The following ALLC variants were observed in gnomAD, a reference collection of about 807,000 sequenced individuals.
ALLC encodes allantoicase.
ALLC carries 40 observed loss-of-function variants against 45.0 expected under a neutral mutation model. That is an observed-to-expected ratio of 0.89 (90% CI 0.69 to 1.16). The LOEUF is 1.16. Among genes scored for constraint, ALLC ranks in the 50% most tolerant of loss-of-function variants. ALLC has a pLI of 0.00. For missense variants in ALLC, 488 were observed against 493.1 expected, an observed-to-expected ratio of 0.99 and a Z score of 0.10; for synonymous variants, 176 against 178.1, an observed-to-expected ratio of 0.99 and a Z score of 0.09.
chr2:3,671,801 C>G (rs1218968742), intron 2 of ALLC, among the ~76,000 whole-genome samples: 20 of 141,544 alleles, frequency 1.4e-4, no homozygotes, highest in Admixed American at 2.1e-4. Context: ...TCCTCTGGCT[C>G]TGGTTAGATG....
At chr2:3,650,561 T>C in the ALLC span, among the ~76,000 whole-genome samples, 17 of 136,744 alleles carry the variant, frequency 1.2e-4, no homozygotes, top group Admixed American at 7.3e-4. Context: ...CCGGTGAACA[T>C]GTGGGCCCTG....
At chr2:3,656,073 C>T (rs772330316), upstream of ALLC, among the ~76,000 whole-genome samples, 1 of 152,346 alleles carries the variant, frequency 6.6e-6, no homozygotes, top group African/African-American at 2.4e-5. Flanking sequence ...AACATCAGGT[C>T]CCCACCTAGT....
At chr2:3,679,316 A>T (rs1667109905) in intron 4 of ALLC, among the ~76,000 whole-genome samples, 1 of 152,208 alleles carries the variant, frequency 6.6e-6, no homozygotes, top group Admixed American at 6.5e-5. Context: ...AAGACTCTGA[A>T]GGCTTTGGTA....
In ALLC at chr2:3,699,861, A is replaced by G. The variant is rs558497371; in HGVS notation, c.851-1651A>G. Among the ~76,000 whole-genome samples, 4 of 152,134 alleles carry G rather than the reference A, an allele frequency of 2.6e-5. No homozygotes were observed. The South Asian group carries it at 8.3e-4, about 32-fold the overall frequency. ...TTAATGGGGTTGTTTTTTGCTTGTA[A>G]ATTTGTTTAAATTCCTTATAGATTC... On this transcript the variant is annotated intron_variant, in intron 10 of 11. Transcript: ENST00000252505.
At chr2:3,672,829 G>A (rs994342852) in intron 2 of ALLC, among the ~76,000 whole-genome samples, 3 of 152,366 alleles carry the variant, frequency 2.0e-5, no homozygotes, top group Middle Eastern at 3.4e-3. Context: ...TGTGTAATGA[G>A]GGTCACCTGG....
the ALLC span, among the ~76,000 whole-genome samples, chr2:3,651,426 T>A: frequency 1.5e-4 from 9 of 58,226 alleles, no homozygotes; most frequent in South Asian, 8.3e-4. Flanking sequence ...TGTGTGTGTG[T>A]GTGTGTGTGT....
chr2:3,682,732 A>G (rs941662727), intron 6 of ALLC, among the ~76,000 whole-genome samples: 3 of 152,102 alleles, frequency 2.0e-5, no homozygotes, highest in Non-Finnish European at 2.9e-5. Context: ...TCACCGTGTT[A>G]GCCAGGATGG....
intron 1 of ALLC, among the ~76,000 whole-genome samples, chr2:3,664,496 G>A (rs1171457218): frequency 1.3e-5 from 2 of 152,262 alleles, no homozygotes; most frequent in East Asian, 1.9e-4. Flanking sequence ...GCAGGCATGG[G>A]GGTCAGTGAG....
At chr2:3,701,262 C>T (rs1572537259) in intron 10 of ALLC, among the ~76,000 whole-genome samples, 1 of 152,152 alleles carries the variant, frequency 6.6e-6, no homozygotes, top group East Asian at 1.9e-4. Context: ...TTGAAATGCG[C>T]CAGCCCCTTC....
At chr2:3,660,038 C>T (rs1256136474) in intron 1 of ALLC, among the ~76,000 whole-genome samples, 2 of 152,150 alleles carry the variant, frequency 1.3e-5, no homozygotes, top group East Asian at 1.9e-4. Flanking sequence ...GATGTTTGTC[C>T]CCCCAAACCT....
At chr2:3,647,389 A>G in the ALLC span, among the ~76,000 whole-genome samples, 4 of 151,902 alleles carry the variant, frequency 2.6e-5, no homozygotes, top group African/African-American at 9.7e-5. Flanking sequence ...CACCTTCTTC[A>G]TCAGCAACCT....
At chr2:3,696,077 AGT>A (rs1190104508) in intron 8 of ALLC, among the ~76,000 whole-genome samples, 196 bp from the exon 9 acceptor site, 2 of 152,342 alleles carry the variant, frequency 1.3e-5, no homozygotes, top group East Asian at 3.8e-4. Context: ...TTTTGGCCTA[AGT>A]AGCTGCTTTA....
chr2:3,670,194 A>G (rs1411968754), intron 1 of ALLC, among the ~76,000 whole-genome samples: 1 of 152,238 alleles, frequency 6.6e-6, no homozygotes, highest in Admixed American at 6.5e-5. Flanking sequence ...TGTCCGTTTC[A>G]TAGACAAAAT....
chr2:3,653,216 A>C (rs1371528052), upstream of ALLC, among the ~76,000 whole-genome samples: 1 of 152,230 alleles, frequency 6.6e-6, no homozygotes, highest in Non-Finnish European at 1.5e-5. This position sits in a 1 kb window ranked among gnomAD's most constrained non-coding sequence, Gnocchi z 4.1. Context: ...CTGTGCCCCA[A>C]GTTGGTCATG....
rs942792386 is a variant in ALLC, at chr2:3,671,089, CT to C, written c.-62-5del. 2 of 1,570,370 alleles carry C rather than the reference CT, an allele frequency of 1.3e-6. No individual in the cohort carries two copies. The highest frequency in any genetic ancestry group is 3.7e-5 in the Admixed American group (2 of 54,354). ...CAAGGTTGACCGAGCTGCCCTCTCC[CT>C]TCCAGGAAGCACGGCTGATGCTCCG... On this transcript the variant is annotated splice_region_variant and splice_polypyrimidine_tract_variant and intron_variant, in intron 1 of 11. Transcript: ENST00000252505.
At chr2:3,649,845 GAACA>G in the ALLC span, among the ~76,000 whole-genome samples, 5 of 152,238 alleles carry the variant, frequency 3.3e-5, no homozygotes, top group South Asian at 2.1e-4. Flanking sequence ...GACATGGGGA[GAACA>G]AACAGACGCC....
chr2:3,666,814 C>T (rs979750726), intron 1 of ALLC, among the ~76,000 whole-genome samples: 11 of 152,232 alleles, frequency 7.2e-5, no homozygotes, highest in Non-Finnish European at 1.5e-4. Flanking sequence ...AGCTCTGCGT[C>T]GTAATCTTTT....
Position 3,660,350 on chromosome 2 carries a change from T to C in ALLC, c.-63+2056T>C, listed in dbSNP as rs181705602. Reference sequence around the variant, plus strand: ...GCTTTCTGTACCGCCTGCAGAACCATGAGCCAAGTAAACCCCTTTTTTTAA... The same window carrying C: ...GCTTTCTGTACCGCCTGCAGAACCACGAGCCAAGTAAACCCCTTTTTTTAA... On this transcript the variant is annotated intron_variant, in intron 1 of 11. Transcript: ENST00000252505. Among the ~76,000 whole-genome samples, 6 of 152,274 alleles carry C rather than the reference T, an allele frequency of 3.9e-5. No homozygotes were observed. The East Asian group carries it at 1.2e-3, about 29-fold the overall frequency.
At position 3,680,657 on chromosome 2, in the gene ALLC, T is replaced by A. The variant is rs1280346451; in HGVS notation, c.298+663T>A. On this transcript the variant is annotated intron_variant, in intron 5 of 11. Transcript: ENST00000252505. The surrounding 1 kb of genome is among the most constrained non-coding windows in gnomAD (Gnocchi z 4.0). ...TGGCCTTGGGCAGCAGCGAGATGGG[T>A]AAATCTCTGCACTGTTACTGCCCGG... Among the ~76,000 whole-genome samples the A allele has an allele frequency of 6.6e-6, 1 of 152,138 alleles. No individual in the cohort carries two copies. Among genetic ancestry groups the A allele is most frequent in the African/African-American group, 2.4e-5 (1 of 41,432 alleles).
Sources: allele counts gnomAD v4.1 joint callset (sites outside exome capture counted in the v4.1 genomes callset), GRCh38; gene constraint gnomAD v4.1.1; non-coding constraint Gnocchi (gnomAD v3.1); transcripts MANE v1.5; gene names NCBI Gene and HGNC (gene_info 2026-07-23, HGNC 2026-07-21).